The following NRP1 variants were observed in gnomAD, a reference collection of about 807,000 sequenced individuals.
NRP1 encodes the protein neuropilin 1, also known as neuropilin-1.
NRP1 carries 35 observed loss-of-function variants against 106.7 expected under a neutral mutation model. That is an observed-to-expected ratio of 0.33 (90% CI 0.25 to 0.43). NRP1 has a LOEUF of 0.43. Ranked by LOEUF, NRP1 falls within the 20% of genes least tolerant of loss-of-function variation. The pLI, the probability that NRP1 is intolerant of heterozygous loss-of-function variation, is 1.00. For missense variants in NRP1, 1,024 were observed against 1,170.4 expected, an observed-to-expected ratio of 0.87 and a Z score of 1.83; for synonymous variants, 437 against 417.9, an observed-to-expected ratio of 1.05 and a Z score of -0.56.
chr10:33,284,948 A>G (rs982342854), intron 2 of NRP1, among the ~76,000 whole-genome samples: 1 of 152,268 alleles, frequency 6.6e-6, no homozygotes, highest in Admixed American at 6.5e-5. Context: ...AGCAATAAAA[A>G]AATTCAGGGA....
At chr10:33,260,401 A>G (rs1842492103) in intron 4 of NRP1, among the ~76,000 whole-genome samples, 1 of 152,152 alleles carries the variant, frequency 6.6e-6, no homozygotes, top group South Asian at 2.1e-4. Flanking sequence ...TAAATAAAAA[A>G]CAAGCAGAAC....
chr10:33,313,004 A>G (rs1846718243), intron 2 of NRP1, among the ~76,000 whole-genome samples: 1 of 152,204 alleles, frequency 6.6e-6, no homozygotes, highest in Non-Finnish European at 1.5e-5. Flanking sequence ...TCACTCATGT[A>G]TGGAATTTCT....
chr10:33,249,930 T>C (rs868095917), intron 6 of NRP1, among the ~76,000 whole-genome samples: 3 of 151,972 alleles, frequency 2.0e-5, no homozygotes, highest in African/African-American at 7.3e-5. Context: ...AGTAATTTCC[T>C]AGGGAAAACA....
chr10:33,264,896 G>T (rs1270294878), intron 3 of NRP1, among the ~76,000 whole-genome samples: 1 of 152,086 alleles, frequency 6.6e-6, no homozygotes, highest in Admixed American at 6.6e-5. Context: ...ATCACCTGAG[G>T]TCAGGAGTTC....
At chr10:33,312,837 T>C (rs1846703622) in intron 2 of NRP1, among the ~76,000 whole-genome samples, 1 of 152,222 alleles carries the variant, frequency 6.6e-6, no homozygotes, top group Admixed American at 6.5e-5. Context: ...CTTTACAAGC[T>C]AATGTTAATG....
At chr10:33,188,389 T>C (rs1280826001) in intron 13 of NRP1, among the ~76,000 whole-genome samples, 1 of 152,138 alleles carries the variant, frequency 6.6e-6, no homozygotes, top group Admixed American at 6.5e-5. Context: ...CATCCACAAC[T>C]AGACAGTAAG....
chr10:33,305,165 A>C (rs918211174), intron 2 of NRP1, among the ~76,000 whole-genome samples: 1 of 152,262 alleles, frequency 6.6e-6, no homozygotes, highest in African/African-American at 2.4e-5. Context: ...ATTTAGGTGA[A>C]TAACTATTCC....
intron 2 of NRP1, among the ~76,000 whole-genome samples, chr10:33,318,759 T>C (rs1847219967): frequency 6.8e-6 from 1 of 146,374 alleles, no homozygotes; most frequent in Admixed American, 6.7e-5. Flanking sequence ...GCAAAAGTTA[T>C]CGTGGTTTTG....
chr10:33,228,376 GAAAAATAAAAT>G (rs770658622), intron 6 of NRP1, among the ~76,000 whole-genome samples: 3 of 151,868 alleles, frequency 2.0e-5, no homozygotes, highest in Non-Finnish European at 4.4e-5. Flanking sequence ...ACTCTGACTC[GAAAAATAAAAT>G]AAAAATAAAA....
intron 8 of NRP1, among the ~76,000 whole-genome samples, chr10:33,219,455 A>G (rs1839052966): frequency 6.6e-6 from 1 of 152,246 alleles, no homozygotes; most frequent in Non-Finnish European, 1.5e-5. Flanking sequence ...TAGAGAGAAA[A>G]TATTTAAAAG....
chr10:33,194,909 CAT>C (rs72520510), intron 12 of NRP1: 103,461 of 393,740 alleles, frequency 0.26, 15,325 homozygotes, highest in East Asian at 0.64. Context: ...ATGAAACAAA[CAT>C]ATAGGACTAC....
In NRP1 at chr10:33,248,204, C is replaced by T. The variant is rs570199758; in HGVS notation, c.981+5824G>A. On this transcript the variant is annotated intron_variant, in intron 6 of 16. Coordinates refer to ENST00000374867, the MANE Select transcript of NRP1 (RefSeq NM_003873.7). ...ACTCAGGAGGCTGAGGCAGGAGAAT[C>T]GCTTGAACCCAGGAGGTGGAGGTTG... 1.4e-3 allele frequency among the ~76,000 whole-genome samples: 214 copies of T among 152,218 alleles called. 1 individual carries two copies. Among genetic ancestry groups the T allele is most frequent in the African/African-American group, 4.6e-3 (189 of 41,526 alleles).
chr10:33,253,952 C>G, intron 6 of NRP1, 76 bp downstream of exon 6: 3 of 1,390,220 alleles, frequency 2.2e-6, no homozygotes, highest in Non-Finnish European at 2.0e-6. Context: ...GGCACAGTAC[C>G]ACTTTCTTTC....
chr10:33,292,518 AAAGT>A (rs1336318828), intron 2 of NRP1, among the ~76,000 whole-genome samples: 1 of 152,156 alleles, frequency 6.6e-6, no homozygotes, highest in African/African-American at 2.4e-5. Context: ...AGTAGAGAGG[AAAGT>A]AAGTTGTCTA....
chr10:33,270,594 T>A (rs1353642446), intron 3 of NRP1, 81 bp downstream of exon 3: 32 of 1,239,628 alleles, frequency 2.6e-5, no homozygotes, highest in Non-Finnish European at 3.4e-5. Context: ...CCCAAAGTGC[T>A]GAGATTACAG....
intron 12 of NRP1, chr10:33,194,688 A>G (rs1414321523): frequency 2.0e-6 from 1 of 508,184 alleles, no homozygotes; most frequent in East Asian, 5.6e-5. Context: ...ACTTGTGGCA[A>G]TTTGGTTATT....
intron 11 of NRP1, among the ~76,000 whole-genome samples, chr10:33,197,963 A>G (rs1836912516): frequency 1.3e-5 from 2 of 151,984 alleles, no homozygotes; most frequent in Admixed American, 1.3e-4. Flanking sequence ...TAAATTAACA[A>G]ATGGAAGTTG....
chr10:33,330,002 G>A (rs114561514), intron 2 of NRP1, among the ~76,000 whole-genome samples: 5 of 152,330 alleles, frequency 3.3e-5, no homozygotes, highest in African/African-American at 1.2e-4. Context: ...ATAAGTTGAT[G>A]TTTAGAAACT....
chr10:33,211,175 T>C (rs934641599), intron 9 of NRP1: 4 of 152,204 alleles, frequency 2.6e-5, no homozygotes, highest in African/African-American at 9.7e-5. Flanking sequence ...TAGCTTTAGA[T>C]CTGGTTGCAG....
Sources: allele counts gnomAD v4.1 joint callset (sites outside exome capture counted in the v4.1 genomes callset), GRCh38; gene constraint gnomAD v4.1.1; transcripts MANE v1.5; gene names NCBI Gene and HGNC (gene_info 2026-07-23, HGNC 2026-07-21).